Variants in ITFG2 observed in about 807,000 individuals in gnomAD.
ITFG2 encodes KICSTOR complex protein ITFG2.
Under a neutral mutation model 54.4 loss-of-function variants are expected in ITFG2, and 36 were observed. The observed-to-expected ratio is 0.66, with a 90% CI of 0.51 to 0.87. The LOEUF (loss-of-function observed/expected upper bound fraction) is 0.87. ITFG2 is among the 40% of genes least tolerant of loss of function. The pLI is 0.00. For synonymous variants in ITFG2, 211 were observed against 225.4 expected (o/e 0.94, Z 0.57); for missense variants, 524 against 576.7 (o/e 0.91, Z 0.94).
intron 3 of ITFG2, chr12:2,858,366 T>G (rs1216152426): frequency 2.3e-6 from 1 of 433,654 alleles, no homozygotes; most frequent in East Asian, 3.7e-5. Flanking sequence ...GGAAACAGGC[T>G]GGGGGGTTCC....
rs750901706 is a variant in ITFG2, at chr12:2,859,068, G to T, written n.621-466G>T. 40 of 1,607,134 alleles carry T rather than the reference G, an allele frequency of 2.5e-5. No individual in the cohort carries two copies. In the South Asian group the frequency reaches 4.4e-4, roughly 18 times the overall value. ...TGGGGGCGTGAGCCTCCAGGATTCA[G>T]GGGTTCTGGGGAGGACAGATTTGCT... is the stretch of plus-strand genomic sequence containing the variant. On this transcript the variant is annotated intron_variant and non_coding_transcript_variant, in intron 3 of 3. Transcript: ENST00000537710.
At chr12:2,847,552 A>G (rs2098056700) in intron 2 of ITFG2, among the ~76,000 whole-genome samples, 1 of 151,952 alleles carries the variant, frequency 6.6e-6, no homozygotes, top group South Asian at 2.1e-4. Flanking sequence ...CTGTAGTCCC[A>G]GCTACTCGGG....
At chr12:2,832,847 T>G (rs558455547), upstream of ITFG2, among the ~76,000 whole-genome samples, 38 of 150,998 alleles carry the variant, frequency 2.5e-4, no homozygotes, top group Non-Finnish European at 5.5e-4. Context: ...GGGATTGTTT[T>G]TCTACCCTTA....
chr12:2,825,763 C>CT, downstream of ITFG2: 1 of 152,348 alleles, frequency 6.6e-6, no homozygotes, highest in Non-Finnish European at 1.5e-5. Context: ...TTCTCTGCTC[C>CT]TTTTTTGTTT....
At chr12:2,853,121 G>A (rs1476282621) in intron 2 of ITFG2, among the ~76,000 whole-genome samples, 3 of 152,134 alleles carry the variant, frequency 2.0e-5, no homozygotes, top group Non-Finnish European at 2.9e-5. Flanking sequence ...TCATGCCACT[G>A]TGAGTCTCTC....
intron 2 of ITFG2, chr12:2,817,703 G>A (rs147034185): frequency 1.1e-5 from 6 of 522,342 alleles, no homozygotes; most frequent in Non-Finnish European, 2.0e-5. Flanking sequence ...TGTCTTAACC[G>A]CCTCAGGTCT....
At chr12:2,834,128 A>C (rs962592350), upstream of ITFG2, among the ~76,000 whole-genome samples, 1 of 152,220 alleles carries the variant, frequency 6.6e-6, no homozygotes, top group African/African-American at 2.4e-5. Flanking sequence ...GCAGCACTCA[A>C]GGCGGCCAGG....
At chr12:2,857,176 TG>T in intron 2 of ITFG2, 1 of 663,248 alleles carries the variant, frequency 1.5e-6, no homozygotes, top group Non-Finnish European at 2.7e-6. Context: ...TTGTGACCCT[TG>T]GGCCCCTGGC....
At chr12:2,856,810 G>T (rs2098088787) in intron 2 of ITFG2, 4 of 634,080 alleles carry the variant, frequency 6.3e-6, no homozygotes, top group Admixed American at 2.5e-5. Context: ...GGTTCCTAGT[G>T]TCATAGGATG....
chr12:2,824,285 C>A lies in ITFG2; in HGVS notation c.*92C>A. ...TGGTATTGGCAGGATAGGGAATATG[C>A]ATTACAGAAATGCAGGATTTGACTC... On this transcript the variant is annotated 3_prime_UTR_variant, in exon 12 of 12. Coordinates refer to ENST00000228799, the MANE Select transcript of ITFG2 (RefSeq NM_018463.4). 7.7e-7 allele frequency: 1 copy of A among 1,299,446 alleles called. No individual in the cohort carries two copies. The highest frequency in any genetic ancestry group is 1.1e-6 in the Non-Finnish European group (1 of 903,200). 80.5% of individuals were successfully genotyped at this position (1,299,446 alleles called of 1,614,324 possible).
chr12:2,818,366 A>G, intron 4 of ITFG2, 89 bp downstream of exon 4: 1 of 1,568,286 alleles, frequency 6.4e-7, no homozygotes, highest in Admixed American at 1.8e-5. Flanking sequence ...GAGAGGGAGA[A>G]TCCGTATTCA....
intron 2 of ITFG2, chr12:2,855,280 C>T (rs999847870): frequency 1.8e-5 from 27 of 1,517,558 alleles, no homozygotes; most frequent in Middle Eastern, 1.7e-4. Flanking sequence ...GTGGATGAGC[C>T]GCTGACGCAC....
chr12:2,840,367 C>T (rs552752052), intron 1 of ITFG2, among the ~76,000 whole-genome samples: 37 of 148,152 alleles, frequency 2.5e-4, no homozygotes, highest in African/African-American at 8.5e-4. Flanking sequence ...GCATGAGAAA[C>T]GCTTGAAACC....
At chr12:2,830,862 T>C (rs747632070) in exon 3 of ITFG2, 2 of 1,611,954 alleles carry the variant, frequency 1.2e-6, no homozygotes, top group South Asian at 2.2e-5. Flanking sequence ...GCGCGGCTGC[T>C]GGCTCCATCA....
chr12:2,859,538 G>A, exon 4 of ITFG2: 2 of 1,614,048 alleles, frequency 1.2e-6, no homozygotes, highest in Non-Finnish European at 1.7e-6. Context: ...CCCCAGGCTG[G>A]ATTTCTTCCT....
chr12:2,825,226 C>G (rs1306424668), downstream of ITFG2: 2 of 152,222 alleles, frequency 1.3e-5, no homozygotes, highest in African/African-American at 2.4e-5. Context: ...TATACTGACC[C>G]TAGTCAGATG....
intron 2 of ITFG2, among the ~76,000 whole-genome samples, chr12:2,844,188 G>A (rs2098047988): frequency 6.6e-6 from 1 of 152,070 alleles, no homozygotes; most frequent in South Asian, 2.1e-4. Context: ...AGCCTGGGAG[G>A]TAGAGGTTGC....
chr12:2,854,065 G>C (rs2098079641), intron 2 of ITFG2, among the ~76,000 whole-genome samples: 2 of 152,054 alleles, frequency 1.3e-5, no homozygotes, highest in South Asian at 4.1e-4. Context: ...CTCTCTTGTT[G>C]CCCCGGCTGG....
At position 2,820,186 on chromosome 12, in the gene ITFG2, G is replaced by A. The variant is rs1246826847; in HGVS notation, c.507G>A (p.Gly169=). The A allele has an allele frequency of 1.9e-6, 3 of 1,613,122 alleles. 1 individual carries two copies. The highest frequency in any genetic ancestry group is 2.2e-5 in the South Asian group (2 of 90,924). ...GTGAGGGTCCTGAACATCTGACAGG[G>A]CAGCTGGTGTCCCTCAAGAAATGGA... ...ELGEGPEHLT[G]QLVSLKKWML... The change falls in exon 5 of 12, where the codon GGG becomes GGA. Residue 169 remains glycine, a synonymous_variant. Transcript: ENST00000228799.
Sources: gnomAD v4.1 joint callset for allele counts (sites outside exome capture counted in the v4.1 genomes callset) on GRCh38, gnomAD v4.1.1 for gene constraint, MANE v1.5 for transcripts, NCBI Gene and HGNC (gene_info 2026-07-23, HGNC 2026-07-21) for gene names.